The following ATP8B4 variants were observed in gnomAD, a reference collection of about 807,000 sequenced individuals.
ATP8B4 encodes probable phospholipid-transporting ATPase IM.
Under a neutral mutation model 145.6 loss-of-function variants are expected in ATP8B4, and 133 were observed. That is an observed-to-expected ratio of 0.91 (90% CI 0.79 to 1.05). The LOEUF (loss-of-function observed/expected upper bound fraction) is 1.05, where lower values mean the gene tolerates loss of function less well. Ranked by LOEUF, ATP8B4 falls within the 50% of genes least tolerant of loss-of-function variation. The pLI, the probability that ATP8B4 is intolerant of heterozygous loss-of-function variation, is 0.00. For missense variants in ATP8B4, 1,458 were observed against 1,425.2 expected (o/e 1.02, Z -0.37); for synonymous variants, 507 against 492.9 (o/e 1.03, Z -0.38).
intron 6 of ATP8B4, among the ~76,000 whole-genome samples, chr15:50,028,165 T>G (rs1176985310): frequency 1.3e-5 from 2 of 152,188 alleles, no homozygotes; most frequent in Non-Finnish European, 2.9e-5. Flanking sequence ...TGATGTTACT[T>G]TTTACAGCCC....
chr15:50,018,207 T>C (rs1277659808), intron 6 of ATP8B4, among the ~76,000 whole-genome samples: 1 of 152,116 alleles, frequency 6.6e-6, no homozygotes, highest in Non-Finnish European at 1.5e-5. Flanking sequence ...AGGCTGGTCT[T>C]GAACTCCTGG....
intron 2 of ATP8B4, 31 bp downstream of exon 2, chr15:50,106,908 C>T (rs1212154666): frequency 4.4e-6 from 7 of 1,574,830 alleles, no homozygotes; most frequent in Non-Finnish European, 5.2e-6. Flanking sequence ...TAAAATATCA[C>T]TTTGCATCAT....
At position 50,159,430 on chromosome 15, in the gene ATP8B4, T is replaced by G. The variant is rs536034550; in HGVS notation, c.-43+22831A>C. ...AGGTTTTTCCAAATATGAGATTATA[T>G]CATCGTAAACAAGTATAATTTGACT... On this transcript the variant is annotated intron_variant, in intron 1 of 3. Transcript: ENST00000558829. 1.4e-4 allele frequency among the ~76,000 whole-genome samples: 22 copies of G among 152,356 alleles called. No homozygotes were observed. In the East Asian group the frequency reaches 4.2e-3, roughly 29 times the overall value.
chr15:49,916,087 A>C (rs1344475594), intron 20 of ATP8B4, among the ~76,000 whole-genome samples: 2 of 152,024 alleles, frequency 1.3e-5, no homozygotes, highest in African/African-American at 4.8e-5. Flanking sequence ...GCCAGTGTCT[A>C]AGTGAGCTGA....
intron 23 of ATP8B4, among the ~76,000 whole-genome samples, chr15:49,893,154 T>C (rs2037015260): frequency 6.6e-6 from 1 of 152,238 alleles, no homozygotes; most frequent in African/African-American, 2.4e-5. Context: ...CTTAGAGATG[T>C]CAGATGTGAG....
At chr15:50,168,230 T>A (rs1289463578) in intron 1 of ATP8B4, among the ~76,000 whole-genome samples, 1 of 151,760 alleles carries the variant, frequency 6.6e-6, no homozygotes, top group African/African-American at 2.4e-5. Flanking sequence ...ATGCGAAGGC[T>A]CGCATTGCGA....
At chr15:50,135,850 A>C (rs1358263013) in intron 1 of ATP8B4, among the ~76,000 whole-genome samples, 1 of 152,232 alleles carries the variant, frequency 6.6e-6, no homozygotes, top group African/African-American at 2.4e-5. Flanking sequence ...GTAGCTTCAA[A>C]GGGCCTACAG....
chr15:50,057,223 T>G (rs1297218319), intron 3 of ATP8B4, among the ~76,000 whole-genome samples: 1 of 152,206 alleles, frequency 6.6e-6, no homozygotes, highest in Non-Finnish European at 1.5e-5. Context: ...CAGATAATGG[T>G]ATTGCCTCCT....
intron 1 of ATP8B4, among the ~76,000 whole-genome samples, chr15:50,156,098 A>C (rs1481860449): frequency 4.0e-5 from 1 of 25,040 alleles, no homozygotes; most frequent in African/African-American, 9.9e-5. Context: ...ATATAAATAT[A>C]TATATATAAA....
chr15:50,166,951 C>T (rs537336258), intron 1 of ATP8B4, among the ~76,000 whole-genome samples: 2 of 152,248 alleles, frequency 1.3e-5, no homozygotes, highest in East Asian at 1.9e-4. Context: ...GTAAGTGATC[C>T]GTTAATTTGA....
chr15:50,096,713 T>C (rs2056012356), intron 2 of ATP8B4, among the ~76,000 whole-genome samples: 1 of 152,144 alleles, frequency 6.6e-6, no homozygotes, highest in Non-Finnish European at 1.5e-5. Context: ...CAGCAAAGAT[T>C]CAGTCTCTAC....
chr15:49,979,849 G>C (rs1599590885), intron 11 of ATP8B4, 36 bp from the exon 12 acceptor site: 1 of 1,427,074 alleles, frequency 7.0e-7, no homozygotes, highest in African/African-American at 1.4e-5. Flanking sequence ...AGGTTAACTT[G>C]AACTCAAAAT....
At chr15:50,085,909 A>ACG (rs2054914777) in intron 2 of ATP8B4, among the ~76,000 whole-genome samples, 8 of 100,000 alleles carry the variant, frequency 8.0e-5, no homozygotes, top group African/African-American at 3.5e-4. Context: ...TATCATATAT[A>ACG]TTTATATATG....
intron 25 of ATP8B4, among the ~76,000 whole-genome samples, 160 bp from the exon 26 acceptor site, chr15:49,866,644 G>C (rs1228054076): frequency 6.6e-6 from 1 of 152,170 alleles, no homozygotes; most frequent in African/African-American, 2.4e-5. Flanking sequence ...CACACACAGG[G>C]GACTGATCTG....
chr15:49,903,047 C>A (rs2038214477), intron 20 of ATP8B4, among the ~76,000 whole-genome samples: 1 of 152,118 alleles, frequency 6.6e-6, no homozygotes, highest in African/African-American at 2.4e-5. Context: ...TCACATGAAC[C>A]CTTTTCCAGG....
intron 10 of ATP8B4, among the ~76,000 whole-genome samples, chr15:49,985,495 C>A (rs1232610373): frequency 1.2e-4 from 18 of 152,216 alleles, no homozygotes; most frequent in Admixed American, 1.2e-3. Context: ...TCATCTCCGA[C>A]ACGGACGAAG....
At chr15:50,048,492 G>C (rs2051905250) in intron 3 of ATP8B4, among the ~76,000 whole-genome samples, 1 of 151,988 alleles carries the variant, frequency 6.6e-6, no homozygotes, top group African/African-American at 2.4e-5. Context: ...TGGATCACTT[G>C]AGGTCAGGAG....
intron 11 of ATP8B4, 106 bp from the exon 12 acceptor site, chr15:49,979,919 C>T: frequency 1.4e-6 from 1 of 739,522 alleles, no homozygotes; most frequent in Non-Finnish European, 2.1e-6. Context: ...ATTTGAAAAG[C>T]AAGTATGCAA....
At chr15:49,883,898 G>A (rs911371859) in intron 23 of ATP8B4, among the ~76,000 whole-genome samples, 9 of 152,076 alleles carry the variant, frequency 5.9e-5, no homozygotes, top group African/African-American at 2.2e-4. Flanking sequence ...AAAAAGTTAT[G>A]TATTTACCCT....
Sources: gnomAD v4.1 joint callset for allele counts (sites outside exome capture counted in the v4.1 genomes callset) on GRCh38, gnomAD v4.1.1 for gene constraint, MANE v1.5 for transcripts, NCBI Gene and HGNC (gene_info 2026-07-23, HGNC 2026-07-21) for gene names.